The following PHF21A variants were observed in gnomAD, a reference collection of about 807,000 sequenced individuals.
PHF21A encodes the protein PHD finger protein 21A.
PHF21A carries 11 observed loss-of-function variants against 82.5 expected under a neutral mutation model. The ratio of observed to expected loss-of-function variants is 0.13; its 90% CI spans 0.08 to 0.22. PHF21A has a LOEUF of 0.22. PHF21A is among the 10% of genes least tolerant of loss of function. The pLI is 1.00. For missense variants in PHF21A, 579 were observed against 837.8 expected (o/e 0.69, Z 3.81); for synonymous variants, 297 against 302.8 (o/e 0.98, Z 0.20).
chr11:46,035,949 C>T (rs2095993146), intron 6 of PHF21A, among the ~76,000 whole-genome samples: 1 of 152,090 alleles, frequency 6.6e-6, no homozygotes, highest in Middle Eastern at 3.2e-3. Context: ...TTTAAATTTG[C>T]ATTTTTGAAG....
intron 6 of PHF21A, among the ~76,000 whole-genome samples, chr11:45,997,321 T>G (rs1250150354): frequency 6.6e-6 from 1 of 152,226 alleles, no homozygotes; most frequent in Admixed American, 6.5e-5. Flanking sequence ...TTAAAAATGC[T>G]TTTCTTAACC....
At chr11:45,998,902 G>A (rs554982954) in intron 6 of PHF21A, among the ~76,000 whole-genome samples, 4 of 151,652 alleles carry the variant, frequency 2.6e-5, no homozygotes, top group East Asian at 3.9e-4. Context: ...AGCTCACTGC[G>A]GCCTCTGACT....
At chr11:46,040,812 A>C (rs1038642548) in intron 6 of PHF21A, among the ~76,000 whole-genome samples, 1 of 151,972 alleles carries the variant, frequency 6.6e-6, no homozygotes, top group Non-Finnish European at 1.5e-5. Context: ...TTAAATAGCA[A>C]AAGCCCAGGA....
chr11:45,963,511 G>C lies in PHF21A; in HGVS notation c.996+1804C>G, dbSNP rs1591323692. Among the ~76,000 whole-genome samples, 3 of 151,520 alleles carry C rather than the reference G, an allele frequency of 2.0e-5. No individual in the cohort carries two copies. The South Asian group carries it at 6.2e-4, about 31-fold the overall frequency. On this transcript the variant is annotated intron_variant, in intron 10 of 18. Coordinates refer to ENST00000676320, the MANE Select transcript of PHF21A (RefSeq NM_001352027.3). ...AATTAACTCCTGGGGGTAAAATTAT[G>C]ATAAAAGTTTACTCTCTCTTTAGAT...
intron 8 of PHF21A, 188 bp from the exon 9 acceptor site, chr11:45,970,092 T>C: frequency 1.8e-6 from 1 of 553,522 alleles, no homozygotes; most frequent in Non-Finnish European, 3.2e-6. Flanking sequence ...CTTTACCCTA[T>C]AAAATGAACC....
At chr11:45,936,631 C>CAGCT in intron 16 of PHF21A, 62 bp from the exon 17 acceptor site, 1 of 1,061,846 alleles carries the variant, frequency 9.4e-7, no homozygotes, top group Non-Finnish European at 1.5e-6. Flanking sequence ...CTCTATGTAA[C>CAGCT]AGCTAGCAGT....
Position 46,078,890 on chromosome 11 carries a change from T to C in PHF21A, c.87+244A>G, listed in dbSNP as rs1006453585. ...ATTAACTCAATATTTTTCTCTAAAA[T>C]ACTCAAACCAATTAATATGACACCA... is the stretch of plus-strand genomic sequence containing the variant. On this transcript the variant is annotated intron_variant, in intron 5 of 18. Coordinates refer to ENST00000676320, the MANE Select transcript of PHF21A (RefSeq NM_001352027.3). Among the ~76,000 whole-genome samples the C allele has an allele frequency of 1.4e-4, 21 of 152,202 alleles. No individual in the cohort carries two copies. The East Asian group carries it at 2.3e-3, about 17-fold the overall frequency.
At chr11:45,954,654 T>G (rs2092491361) in intron 10 of PHF21A, among the ~76,000 whole-genome samples, 1 of 152,194 alleles carries the variant, frequency 6.6e-6, no homozygotes, top group Non-Finnish European at 1.5e-5. Flanking sequence ...ATTCTTACCA[T>G]GACCAATGTC....
At chr11:46,013,265 G>T (rs894775016) in intron 6 of PHF21A, among the ~76,000 whole-genome samples, 4 of 152,092 alleles carry the variant, frequency 2.6e-5, no homozygotes, top group African/African-American at 9.7e-5. Flanking sequence ...TAATCCATAA[G>T]TTTTAAACTG....
rs374586100 is a variant in PHF21A, at chr11:45,934,144, G to A, written c.1870C>T (p.Arg624Cys). 6.8e-6 allele frequency: 11 copies of A among 1,614,104 alleles called. No homozygotes were observed. Among genetic ancestry groups the A allele is most frequent in the Admixed American group, 1.7e-5 (1 of 60,016 alleles). Reference sequence around the variant, plus strand: ...GAGAGGTCGATGCCGTGGATGAGGCGAATCAGCTGTTTTACCTTCTCCAGG... The same window carrying A: ...GAGAGGTCGATGCCGTGGATGAGGCAAATCAGCTGTTTTACCTTCTCCAGG... The part of the protein sequence containing the change: ...SSLEKVKQLI[R>C]LIHGIDLSKP... The change falls in exon 19 of 19, where the codon CGC becomes TGC. Residue 624 changes from arginine to cysteine, a missense_variant. Arg to Cys is a radical substitution (Grantham distance 180). Around this residue, in one of 3 missense-constraint regions of PHF21A, gnomAD observed 157 missense variants for 149.4 expected, o/e 1.05. Coordinates refer to ENST00000676320, the MANE Select transcript of PHF21A (RefSeq NM_001352027.3).
chr11:46,068,174 C>A (rs1229460796), intron 6 of PHF21A, among the ~76,000 whole-genome samples: 4 of 152,106 alleles, frequency 2.6e-5, no homozygotes, highest in Admixed American at 1.3e-4. Context: ...TAGGTCATAA[C>A]CAGTCACATG....
rs146654582 is a variant in PHF21A, at chr11:46,011,637, A to G, written c.154-31671T>C. ...ACTGCTTTTCATTTCTAAATTCAAG[A>G]AACAGTTTTGGTTTAGGTCCTTTCT... On this transcript the variant is annotated intron_variant, in intron 6 of 18. Transcript: ENST00000676320. 7.0e-4 allele frequency among the ~76,000 whole-genome samples: 107 copies of G among 152,338 alleles called. 2 individuals are homozygous for G. The East Asian group carries it at 0.019, about 26-fold the overall frequency.
chr11:45,943,778 G>C (rs769199857), intron 15 of PHF21A, among the ~76,000 whole-genome samples: 5 of 152,116 alleles, frequency 3.3e-5, no homozygotes, highest in Non-Finnish European at 7.3e-5. Flanking sequence ...AACTATCTTA[G>C]GAGATGAAAG....
chr11:46,020,853 T>C (rs2095613978), intron 6 of PHF21A, among the ~76,000 whole-genome samples: 1 of 152,218 alleles, frequency 6.6e-6, no homozygotes, highest in Admixed American at 6.5e-5. Flanking sequence ...CAAAGCGATA[T>C]GCATTCAGTA....
chr11:46,087,420 A>G (rs1193486309), intron 3 of PHF21A, among the ~76,000 whole-genome samples: 1 of 152,232 alleles, frequency 6.6e-6, no homozygotes, highest in African/African-American at 2.4e-5. Context: ...AAAGGCATGA[A>G]GTTTTATTCA....
intron 4 of PHF21A, 33 bp from the exon 5 acceptor site, chr11:46,079,199 CT>C: frequency 6.4e-7 from 1 of 1,557,060 alleles, no homozygotes; most frequent in Non-Finnish European, 8.8e-7. Flanking sequence ...AGCCATCAGT[CT>C]TACATATTAA....
At chr11:46,052,341 G>C (rs2139196335) in intron 6 of PHF21A, among the ~76,000 whole-genome samples, 1 of 152,260 alleles carries the variant, frequency 6.6e-6, no homozygotes, top group Non-Finnish European at 1.5e-5. Context: ...ATCCATCCAT[G>C]CCTGAAAGCA....
At chr11:46,040,022 G>C (rs1243806312) in intron 6 of PHF21A, among the ~76,000 whole-genome samples, 1 of 152,168 alleles carries the variant, frequency 6.6e-6, no homozygotes, top group Non-Finnish European at 1.5e-5. Flanking sequence ...TAAGCCTAAA[G>C]CACATGTAAC....
rs57387891 is a variant in PHF21A at position 46,114,086 on chromosome 11, TAC to T, written c.-237+6847_-237+6848del. Among the ~76,000 whole-genome samples, 43 of 149,010 alleles carry T rather than the reference TAC, an allele frequency of 2.9e-4. 1 individual carries two copies. Among genetic ancestry groups the T allele is most frequent in the South Asian group, 2.3e-3 (11 of 4,742 alleles). ...CCTCCATTCCTCACCTCTAATTCCCTACACACACACACACACACGCACACATC... is the reference window on the plus strand; with the variant it reads ...CCTCCATTCCTCACCTCTAATTCCCTACACACACACACACACGCACACATC... On this transcript the variant is annotated intron_variant, in intron 1 of 18. Coordinates refer to ENST00000676320, the MANE Select transcript of PHF21A (RefSeq NM_001352027.3).
Sources: gnomAD v4.1 joint callset for allele counts (sites outside exome capture counted in the v4.1 genomes callset) on GRCh38, gnomAD v4.1.1 for gene constraint, gnomAD v4.1.1 regional missense constraint, MANE v1.5 for transcripts, NCBI Gene and HGNC (gene_info 2026-07-23, HGNC 2026-07-21) for gene names.